Variants in MDGA2 observed in about 807,000 individuals in gnomAD.
MDGA2 encodes the protein MAM domain-containing glycosylphosphatidylinositol anchor protein 2.
In MDGA2, 40 loss-of-function variants were observed where a neutral mutation model predicts 117.8. The observed-to-expected ratio is 0.34, with a 90% CI of 0.26 to 0.44. The LOEUF is 0.44. Among genes scored for constraint, MDGA2 ranks in the 20% least tolerant of loss-of-function variants. The probability of loss-of-function intolerance (pLI) is 1.00; values close to 1 mark genes in which losing one functional copy is unlikely to be tolerated. For synonymous variants in MDGA2, 452 were observed against 439.0 expected, an observed-to-expected ratio of 1.03 and a Z score of -0.37; for missense variants, 1,123 against 1,250.6, an observed-to-expected ratio of 0.90 and a Z score of 1.54.
At chr14:47,274,351 T>C (rs936959376) in intron 2 of MDGA2, among the ~76,000 whole-genome samples, 20 of 152,266 alleles carry the variant, frequency 1.3e-4, no homozygotes, top group Admixed American at 1.0e-3. Context: ...TTTTTATGAC[T>C]ACTTTCTTTA....
intron 1 of MDGA2, among the ~76,000 whole-genome samples, chr14:47,645,196 G>A (rs1897502980): frequency 6.6e-6 from 1 of 151,524 alleles, no homozygotes; most frequent in African/African-American, 2.4e-5. Flanking sequence ...CTAAGACACT[G>A]TTTCTCTAAA....
chr14:47,447,308 C>T (rs1348873257), intron 1 of MDGA2, among the ~76,000 whole-genome samples: 1 of 152,140 alleles, frequency 6.6e-6, no homozygotes, highest in Non-Finnish European at 1.5e-5. Context: ...ACGCCTATCC[C>T]AATGCCTCTC....
At chr14:47,473,524 A>G (rs1394005373) in intron 1 of MDGA2, among the ~76,000 whole-genome samples, 1 of 152,218 alleles carries the variant, frequency 6.6e-6, no homozygotes, top group Non-Finnish European at 1.5e-5. Context: ...ATAAACTTCA[A>G]TAAATTAATA....
At chr14:47,136,551 G>C (rs564842963) in intron 4 of MDGA2, among the ~76,000 whole-genome samples, 3 of 152,076 alleles carry the variant, frequency 2.0e-5, no homozygotes, top group Non-Finnish European at 4.4e-5. Context: ...TCCTCTAAAA[G>C]TGTATTCTTC....
chr14:47,419,699 T>G (rs1054709698), intron 1 of MDGA2, among the ~76,000 whole-genome samples: 1 of 152,060 alleles, frequency 6.6e-6, no homozygotes, highest in African/African-American at 2.4e-5. Context: ...AAATATACTA[T>G]ATCTCTGAAT....
chr14:46,923,098 C>A (rs1884195847), intron 9 of MDGA2, among the ~76,000 whole-genome samples: 1 of 152,142 alleles, frequency 6.6e-6, no homozygotes, highest in Non-Finnish European at 1.5e-5. Context: ...TCCTCATGAT[C>A]TTGTGAGTAA....
At chr14:47,303,676 A>G (rs1413556342) in intron 1 of MDGA2, among the ~76,000 whole-genome samples, 1 of 152,150 alleles carries the variant, frequency 6.6e-6, no homozygotes, top group Non-Finnish European at 1.5e-5. Context: ...AAAATAAAAT[A>G]AATGTTCAAT....
At chr14:47,119,178 CCCCCCCCCCA>C (rs1881507425) in intron 5 of MDGA2, among the ~76,000 whole-genome samples, 1 of 61,756 alleles carries the variant, frequency 1.6e-5, no homozygotes, top group Non-Finnish European at 4.6e-5. Flanking sequence ...AGCCCCGCCC[CCCCCCCCCCA>C]CCCCGTAGCT....
chr14:47,139,853 T>C (rs1882638085), intron 4 of MDGA2, among the ~76,000 whole-genome samples: 1 of 141,666 alleles, frequency 7.1e-6, no homozygotes, highest in East Asian at 2.0e-4. Flanking sequence ...CACACATATA[T>C]ATACACATAT....
intron 1 of MDGA2, among the ~76,000 whole-genome samples, chr14:47,445,807 G>C (rs1893110288): frequency 6.6e-6 from 1 of 152,110 alleles, no homozygotes; most frequent in Non-Finnish European, 1.5e-5. Context: ...ATGTCATGTA[G>C]TCCCTTTGTA....
chr14:47,120,134 T>C (rs1179228894), intron 5 of MDGA2, among the ~76,000 whole-genome samples: 2 of 152,158 alleles, frequency 1.3e-5, no homozygotes, highest in African/African-American at 4.8e-5. Context: ...AATGTCATAA[T>C]GCCAAATCAA....
At chr14:47,288,171 T>G (rs1888754002) in intron 2 of MDGA2, among the ~76,000 whole-genome samples, 1 of 152,202 alleles carries the variant, frequency 6.6e-6, no homozygotes, top group Non-Finnish European at 1.5e-5. Context: ...TTTTGGAATT[T>G]GAGAACCATT....
In MDGA2 at chr14:46,926,957, C is replaced by T. The variant is rs149189238; in HGVS notation, c.2090-6797G>A. ...TGCTGATCAACATGTGTCTTCTGAC[C>T]GGATCCTGAGCGTAGACTCCTAAAT... On this transcript the variant is annotated intron_variant, in intron 9 of 16. Transcript: ENST00000399232. 5.7e-4 allele frequency among the ~76,000 whole-genome samples: 87 copies of T among 152,152 alleles called. 2 individuals carry two copies. The South Asian group carries it at 8.9e-3, about 16-fold the overall frequency.
At chr14:47,469,280 A>T (rs113144327) in intron 1 of MDGA2, among the ~76,000 whole-genome samples, 3 of 151,730 alleles carry the variant, frequency 2.0e-5, no homozygotes, top group Non-Finnish European at 2.9e-5. Flanking sequence ...AACATTAGGT[A>T]TATCTCCTAA....
At chr14:47,258,099 C>T (rs1405055239) in intron 2 of MDGA2, among the ~76,000 whole-genome samples, 1 of 151,978 alleles carries the variant, frequency 6.6e-6, no homozygotes, top group Non-Finnish European at 1.5e-5. Flanking sequence ...TCTTTTTCTC[C>T]TTGAATCATT....
intron 3 of MDGA2, among the ~76,000 whole-genome samples, chr14:47,198,160 A>G (rs530201199): frequency 5.3e-5 from 8 of 152,332 alleles, no homozygotes; most frequent in Middle Eastern, 3.4e-3. Flanking sequence ...GCATTGAATT[A>G]CTTTTGTGTG....
intron 1 of MDGA2, among the ~76,000 whole-genome samples, chr14:47,495,257 C>T (rs544683695): frequency 2.4e-4 from 37 of 151,818 alleles, no homozygotes; most frequent in Admixed American, 3.9e-4. Flanking sequence ...TAGACACTGG[C>T]GACTTCAAAA....
chr14:47,376,184 T>C (rs1401743850), intron 1 of MDGA2, among the ~76,000 whole-genome samples: 2 of 152,182 alleles, frequency 1.3e-5, no homozygotes, highest in Non-Finnish European at 2.9e-5. Flanking sequence ...TTTAATCAGC[T>C]TGGGATTTTT....
chr14:47,421,487 G>A (rs567070107), intron 1 of MDGA2, among the ~76,000 whole-genome samples: 1 of 93,512 alleles, frequency 1.1e-5, no homozygotes, highest in East Asian at 2.3e-4. Context: ...TGGACCAGCT[G>A]AAAAGCAAAA....
Sources: gnomAD v4.1 joint callset for allele counts (sites outside exome capture counted in the v4.1 genomes callset) on GRCh38, gnomAD v4.1.1 for gene constraint, MANE v1.5 for transcripts, NCBI Gene and HGNC (gene_info 2026-07-23, HGNC 2026-07-21) for gene names.